Variants in RNF130 observed in about 807,000 individuals in gnomAD.
RNF130 encodes the protein E3 ubiquitin-protein ligase RNF130.
A neutral mutation model predicts 44.6 loss-of-function variants in RNF130; 21 were observed. That is an observed-to-expected ratio of 0.47 (90% CI 0.33 to 0.68). The LOEUF (loss-of-function observed/expected upper bound fraction) is 0.68, where lower values mean the gene tolerates loss of function less well. Among genes scored for constraint, RNF130 ranks in the 30% least tolerant of loss-of-function variants. The probability of loss-of-function intolerance (pLI) is 0.02; values close to 1 mark genes in which losing one functional copy is unlikely to be tolerated. For synonymous variants in RNF130, 214 were observed against 210.4 expected (o/e 1.02, Z -0.15); for missense variants, 479 against 560.6 (o/e 0.85, Z 1.47).
At chr5:180,026,968 T>C (rs751200153) in intron 2 of RNF130, among the ~76,000 whole-genome samples, 6 of 152,184 alleles carry the variant, frequency 3.9e-5, no homozygotes, top group Non-Finnish European at 5.9e-5. Context: ...CAGAGAGGGC[T>C]CTGAAGACTG....
intron 1 of RNF130, among the ~76,000 whole-genome samples, chr5:180,046,507 G>A (rs1440703638): frequency 6.6e-6 from 1 of 152,180 alleles, no homozygotes; most frequent in African/African-American, 2.4e-5. Context: ...TAGGCTAAGG[G>A]TTTCCTTCCT....
At chr5:179,934,616 CA>C (rs1334175799) in intron 7 of RNF130, among the ~76,000 whole-genome samples, 4 of 146,408 alleles carry the variant, frequency 2.7e-5, no homozygotes, top group African/African-American at 1.0e-4. Flanking sequence ...GCAAGATCAT[CA>C]TGGCTCACTG....
At chr5:179,958,780 A>G (rs1172268647) in intron 8 of RNF130, among the ~76,000 whole-genome samples, 1 of 152,058 alleles carries the variant, frequency 6.6e-6, no homozygotes, top group East Asian at 1.9e-4. Context: ...TTCGCCTCCC[A>G]GGTTCAAGTG....
rs568888738 is a variant in RNF130, at chr5:180,010,141, G to T, written c.693+2920C>A. Among the ~76,000 whole-genome samples, 105 of 151,164 alleles carry T rather than the reference G, an allele frequency of 6.9e-4. 1 individual carries two copies. Among genetic ancestry groups the T allele is most frequent in the African/African-American group, 2.3e-3 (96 of 41,106 alleles). On this transcript the variant is annotated intron_variant, in intron 3 of 8. Coordinates refer to ENST00000521389, the MANE Select transcript of RNF130 (RefSeq NM_018434.6). ...AGGCACCTGTAGTCCCAGCTACTCC[G>T]GAGGCTGAGGCAGGAGAATGGCGTG...
chr5:180,013,145 A>G lies in RNF130; in HGVS notation c.609T>C (p.Ile203=). Residue 203 remains isoleucine (I), a synonymous_variant, in exon 3 of 9, where the codon ATT becomes ATC. Coordinates refer to ENST00000521389, the MANE Select transcript of RNF130 (RefSeq NM_018434.6). The part of the protein sequence containing the change: ...GSLVFVSISF[I]VLMIISSAWL... ...ATGCTGAAGAAATAATCATCAAAAC[A>G]ATAAAGGATATTGACACGAAGACTA... 1 of 1,614,130 alleles carries G rather than the reference A, an allele frequency of 6.2e-7. No individual in the cohort carries two copies. The highest frequency in any genetic ancestry group is 8.5e-7 in the Non-Finnish European group (1 of 1,180,036).
At chr5:180,054,062 G>A (rs941853131) in intron 1 of RNF130, among the ~76,000 whole-genome samples, 4 of 151,964 alleles carry the variant, frequency 2.6e-5, no homozygotes, top group South Asian at 2.1e-4. Flanking sequence ...TGATCTGCCC[G>A]CCTCGGCCTC....
intron 7 of RNF130, among the ~76,000 whole-genome samples, chr5:179,926,345 T>A (rs1761707753): frequency 1.3e-5 from 2 of 152,194 alleles, no homozygotes; most frequent in Admixed American, 1.3e-4. Flanking sequence ...CTTTGCAATA[T>A]CCTTCATAAT....
chr5:179,999,162 C>G (rs1035917611), intron 3 of RNF130, among the ~76,000 whole-genome samples: 42 of 151,720 alleles, frequency 2.8e-4, no homozygotes, highest in African/African-American at 9.7e-4. Flanking sequence ...GCTGGGATTA[C>G]AGGTGTGTAT....
rs552653898 is a variant in RNF130, at chr5:179,979,460, A to C, written c.765+669T>G. ...CACAAGTCTGTGCTTAAATATTAGA[A>C]TTGGGTGTGGGGCAGGAGACAGTTT... On this transcript the variant is annotated intron_variant, in intron 4 of 8. Transcript: ENST00000521389. 5.3e-5 allele frequency among the ~76,000 whole-genome samples: 8 copies of C among 152,088 alleles called. No homozygotes were observed. The South Asian group carries it at 1.7e-3, about 32-fold the overall frequency.
At chr5:179,941,245 A>G (rs1009536794) in intron 7 of RNF130, among the ~76,000 whole-genome samples, 1 of 152,200 alleles carries the variant, frequency 6.6e-6, no homozygotes, top group Non-Finnish European at 1.5e-5. Flanking sequence ...ACATGTATAC[A>G]AGAAACAGAG....
At chr5:179,992,779 G>C (rs7706543) in intron 3 of RNF130, among the ~76,000 whole-genome samples, 4,431 of 152,114 alleles carry the variant, frequency 0.029, 211 homozygotes, top group African/African-American at 0.1. Context: ...CAACGTGCAG[G>C]TTTGTTACAT....
intron 3 of RNF130, among the ~76,000 whole-genome samples, chr5:179,986,451 C>T (rs764865315): frequency 2.0e-5 from 3 of 152,204 alleles, no homozygotes; most frequent in Non-Finnish European, 4.4e-5. Context: ...ATTCATGATA[C>T]TGCACTAAAC....
At chr5:180,006,017 A>G (rs1448303662) in intron 3 of RNF130, among the ~76,000 whole-genome samples, 1 of 152,236 alleles carries the variant, frequency 6.6e-6, no homozygotes, top group Non-Finnish European at 1.5e-5. Flanking sequence ...CTGTATATGA[A>G]AAGTGTTATT....
At chr5:179,929,821 C>T (rs975460541) in intron 7 of RNF130, among the ~76,000 whole-genome samples, 2 of 152,068 alleles carry the variant, frequency 1.3e-5, no homozygotes, top group South Asian at 2.1e-4. Flanking sequence ...GGGGTGTGAC[C>T]GAAATCACAG....
At chr5:180,022,873 T>C (rs1763904428) in intron 2 of RNF130, among the ~76,000 whole-genome samples, 1 of 152,212 alleles carries the variant, frequency 6.6e-6, no homozygotes, top group Non-Finnish European at 1.5e-5. Context: ...AAAAGAATTT[T>C]AAATGGGTGG....
At chr5:180,061,271 GA>G (rs754181935) in intron 1 of RNF130, among the ~76,000 whole-genome samples, 5 of 152,024 alleles carry the variant, frequency 3.3e-5, no homozygotes, top group South Asian at 4.1e-4. Context: ...TGGTCTTTTG[GA>G]AAAAACCACA....
At chr5:179,954,737 CT>C (rs1184157045), downstream of RNF130, among the ~76,000 whole-genome samples, 5 of 152,198 alleles carry the variant, frequency 3.3e-5, no homozygotes, top group Non-Finnish European at 7.3e-5. Flanking sequence ...TGCAAAAATC[CT>C]TTCAGCCCCC....
At chr5:179,968,109 C>T (rs1170087921) in intron 6 of RNF130, among the ~76,000 whole-genome samples, 1 of 151,040 alleles carries the variant, frequency 6.6e-6, no homozygotes, top group Non-Finnish European at 1.5e-5. Flanking sequence ...TCCTGGCTAA[C>T]ACGGTGAAAC....
Position 179,968,630 on chromosome 5 carries a change from C to T in RNF130, c.946-1620G>A, listed in dbSNP as rs1762507146. On this transcript the variant is annotated intron_variant, in intron 6 of 8. Transcript: ENST00000521389. ...GCAGTGAGCTGAGATCACACCACTG[C>T]ACTCCAGCCTGGGTGACAAAGGGAG... 2.0e-5 allele frequency among the ~76,000 whole-genome samples: 3 copies of T among 147,932 alleles called. No individual in the cohort carries two copies. The Admixed American group carries it at 2.0e-4, about 10-fold the overall frequency.
Sources: allele counts gnomAD v4.1 joint callset (sites outside exome capture counted in the v4.1 genomes callset), GRCh38; gene constraint gnomAD v4.1.1; transcripts MANE v1.5; gene names NCBI Gene and HGNC (gene_info 2026-07-23, HGNC 2026-07-21).